Variants in RNF17 observed in about 807,000 individuals in gnomAD.
RNF17 encodes spermatogenesis associated 23.
Under a neutral mutation model 200.5 loss-of-function variants are expected in RNF17, and 31 were observed. The observed-to-expected ratio is 0.15, with a 90% confidence interval of 0.12 to 0.21. The LOEUF is 0.21. RNF17 is among the 10% of genes least tolerant of loss of function. The probability of loss-of-function intolerance (pLI) is 1.00; values close to 1 mark genes in which losing one functional copy is unlikely to be tolerated. For missense variants in RNF17, 1,628 were observed against 1,905.1 expected, an observed-to-expected ratio of 0.85 and a Z score of 2.71; for synonymous variants, 606 against 637.8, an observed-to-expected ratio of 0.95 and a Z score of 0.75.
At chr13:24,883,400 A>T (rs1363711501), downstream of RNF17, 4 of 942,738 alleles carry the variant, frequency 4.2e-6, no homozygotes, top group Non-Finnish European at 5.9e-6. Flanking sequence ...ATGATTTCTT[A>T]AAAAAAAAAT....
intron 18 of RNF17, among the ~76,000 whole-genome samples, chr13:24,840,520 CAT>C (rs71745727): frequency 0.2 from 30,019 of 148,218 alleles, 3,224 homozygotes; most frequent in South Asian, 0.33. Flanking sequence ...GTGATTTATA[CAT>C]ATATATATGT....
At chr13:24,856,620 C>A (rs1185243728) in intron 25 of RNF17, among the ~76,000 whole-genome samples, 2 of 152,238 alleles carry the variant, frequency 1.3e-5, no homozygotes, top group African/African-American at 4.8e-5. Context: ...TCGGCTTATA[C>A]TCCACACATT....
At chr13:24,778,431 T>G in intron 4 of RNF17, 25 bp downstream of exon 4, 1 of 1,445,746 alleles carries the variant, frequency 6.9e-7, no homozygotes, top group Non-Finnish European at 9.7e-7. Context: ...GGTCATGAAG[T>G]ACGATGAAGG....
chr13:24,878,690 C>T (rs1593514116), intron 34 of RNF17, among the ~76,000 whole-genome samples: 1 of 152,186 alleles, frequency 6.6e-6, no homozygotes, highest in South Asian at 2.1e-4. Flanking sequence ...CAGAGAACCC[C>T]CTTTCTGCCT....
chr13:24,805,994 C>T (rs1885805051), intron 15 of RNF17, among the ~76,000 whole-genome samples: 1 of 152,092 alleles, frequency 6.6e-6, no homozygotes, highest in Non-Finnish European at 1.5e-5. Flanking sequence ...CACCCATCCC[C>T]ATCATCTACA....
chr13:24,789,340 A>G lies in RNF17; in HGVS notation c.784-8A>G. 1 of 1,563,102 alleles carries G rather than the reference A, an allele frequency of 6.4e-7. No homozygotes were observed. Among genetic ancestry groups the G allele is most frequent in the Non-Finnish European group, 8.8e-7 (1 of 1,140,500 alleles). On this transcript the variant is annotated splice_region_variant and splice_polypyrimidine_tract_variant and intron_variant, in intron 7 of 35. Coordinates refer to ENST00000255324, the MANE Select transcript of RNF17 (RefSeq NM_031277.3). ...TCACACATGAATGATTTTTTTTTTA[A>G]ATTCTAGATTATCCGGACTTTGCAG...
intron 2 of RNF17, among the ~76,000 whole-genome samples, chr13:24,774,465 C>T (rs1881267553): frequency 6.6e-6 from 1 of 152,248 alleles, no homozygotes; most frequent in Admixed American, 6.5e-5. Context: ...TCGCCTTGGC[C>T]TCCCAAAGTG....
At chr13:24,869,163 A>G (rs1438533003) in intron 31 of RNF17, among the ~76,000 whole-genome samples, 1 of 152,196 alleles carries the variant, frequency 6.6e-6, no homozygotes, top group Non-Finnish European at 1.5e-5. Context: ...AGTGCCTGTT[A>G]AATACTAGGC....
At chr13:24,764,390 C>T in intron 1 of RNF17, 57 bp downstream of exon 1, 3 of 1,507,846 alleles carry the variant, frequency 2.0e-6, no homozygotes, top group Admixed American at 2.0e-5. Context: ...GCGCTGGGGG[C>T]CAGGTGAGCT....
chr13:24,885,236 A>T, the RNF17 span: 1 of 1,341,514 alleles, frequency 7.5e-7, no homozygotes, highest in Non-Finnish European at 1.1e-6. Context: ...ACCCATGTTT[A>T]TTTTTTATAG....
upstream of RNF17, among the ~76,000 whole-genome samples, chr13:24,762,683 G>C (rs1264335228): frequency 6.6e-6 from 1 of 152,202 alleles, no homozygotes; most frequent in Admixed American, 6.5e-5. Context: ...CCCACACACA[G>C]TGTAGAGAGA....
rs150200794 is a variant in RNF17 at position 24,836,956 on chromosome 13, C to T, written c.2482+4978C>T. On this transcript the variant is annotated intron_variant, in intron 18 of 35. Coordinates refer to ENST00000255324, the MANE Select transcript of RNF17 (RefSeq NM_031277.3). Reference sequence around the variant, plus strand: ...TCAGAATGGGTAAGAACTCACCAACCAACCATCTCCTGCCTTCAGGAGACT... The same window carrying T: ...TCAGAATGGGTAAGAACTCACCAACTAACCATCTCCTGCCTTCAGGAGACT... Among the ~76,000 whole-genome samples, 191 of 152,264 alleles carry T rather than the reference C, an allele frequency of 1.3e-3. 2 individuals carry two copies. The South Asian group carries it at 0.022, about 18-fold the overall frequency.
At chr13:24,805,712 T>A (rs1885764034) in intron 15 of RNF17, among the ~76,000 whole-genome samples, 2 of 152,188 alleles carry the variant, frequency 1.3e-5, no homozygotes, top group African/African-American at 4.8e-5. Flanking sequence ...CTGGTATGTA[T>A]AATACCTAGG....
At chr13:24,825,822 A>G (rs1034601946) in intron 16 of RNF17, 50 bp downstream of exon 16, 2 of 1,562,612 alleles carry the variant, frequency 1.3e-6, no homozygotes, top group African/African-American at 2.7e-5. Context: ...CTTCAAAACT[A>G]ATATCATTTG....
intron 31 of RNF17, among the ~76,000 whole-genome samples, chr13:24,869,545 T>A (rs1894018504): frequency 6.6e-6 from 1 of 152,168 alleles, no homozygotes; most frequent in Non-Finnish European, 1.5e-5. Flanking sequence ...GCAATCATGA[T>A]GTTGGCAGGG....
chr13:24,865,808 GT>G (rs1335838417), intron 29 of RNF17, among the ~76,000 whole-genome samples: 1 of 152,016 alleles, frequency 6.6e-6, no homozygotes, highest in Non-Finnish European at 1.5e-5. Flanking sequence ...TGTAAAAGAA[GT>G]TACGTCTGTT....
chr13:24,836,957 A>C (rs1890064395), intron 18 of RNF17, among the ~76,000 whole-genome samples: 1 of 152,180 alleles, frequency 6.6e-6, no homozygotes, highest in South Asian at 2.1e-4. Flanking sequence ...CTCACCAACC[A>C]ACCATCTCCT....
At chr13:24,759,109 C>T in the RNF17 span, among the ~76,000 whole-genome samples, 1 of 142,616 alleles carries the variant, frequency 7.0e-6, no homozygotes, top group African/African-American at 2.5e-5. Flanking sequence ...AAAAACAACA[C>T]TTACATTCTA....
chr13:24,881,903 G>T (rs1229323110), downstream of RNF17, among the ~76,000 whole-genome samples: 10 of 97,766 alleles, frequency 1.0e-4, no homozygotes, highest in African/African-American at 3.5e-4. Context: ...CATCTATATA[G>T]ATATATAGAT....
Sources: allele counts gnomAD v4.1 joint callset (sites outside exome capture counted in the v4.1 genomes callset), GRCh38; gene constraint gnomAD v4.1.1; transcripts MANE v1.5; gene names NCBI Gene and HGNC (gene_info 2026-07-23, HGNC 2026-07-21).